The following ARHGAP12 variants were observed in gnomAD, a reference collection of about 807,000 sequenced individuals.
ARHGAP12 encodes the protein rho GTPase-activating protein 12.
A neutral mutation model predicts 108.6 loss-of-function variants in ARHGAP12; 64 were observed. The observed-to-expected ratio is 0.59, with a 90% confidence interval of 0.48 to 0.73. ARHGAP12 has a LOEUF of 0.73. Among genes scored for constraint, ARHGAP12 ranks in the 30% least tolerant of loss-of-function variants. The pLI is 0.00. For missense variants in ARHGAP12, 940 were observed against 1,005.9 expected, an observed-to-expected ratio of 0.93 and a Z score of 0.89; for synonymous variants, 312 against 337.2, an observed-to-expected ratio of 0.93 and a Z score of 0.82.
At chr10:31,857,183 C>T (rs1466855030) in intron 4 of ARHGAP12, among the ~76,000 whole-genome samples, 5 of 151,992 alleles carry the variant, frequency 3.3e-5, no homozygotes, top group Non-Finnish European at 5.9e-5. Flanking sequence ...ATAAAGCAAA[C>T]GTGGCAAAAT....
chr10:31,900,277 C>A (rs562839634), intron 3 of ARHGAP12, among the ~76,000 whole-genome samples: 25 of 152,100 alleles, frequency 1.6e-4, no homozygotes, highest in Non-Finnish European at 3.1e-4. Context: ...AATAGAAAAA[C>A]CACTTAGAAA....
intron 10 of ARHGAP12, among the ~76,000 whole-genome samples, chr10:31,828,334 G>A (rs563001791): frequency 3.3e-5 from 5 of 151,492 alleles, no homozygotes; most frequent in Admixed American, 6.6e-5. Context: ...CAATAGATGA[G>A]TAGTCCATTT....
chr10:31,814,213 G>C, intron 14 of ARHGAP12, 46 bp downstream of exon 14: 1 of 1,477,114 alleles, frequency 6.8e-7, no homozygotes, highest in East Asian at 2.3e-5. Flanking sequence ...AAAAAGCTAA[G>C]AGAACAAGCA....
At chr10:31,864,601 C>T (rs375563036) in intron 3 of ARHGAP12, among the ~76,000 whole-genome samples, 3 of 152,012 alleles carry the variant, frequency 2.0e-5, no homozygotes, top group Non-Finnish European at 4.4e-5. Context: ...ATGACAAACA[C>T]GAACAAAAGT....
At chr10:31,892,641 C>T (rs926320812) in intron 3 of ARHGAP12, among the ~76,000 whole-genome samples, 20 of 152,274 alleles carry the variant, frequency 1.3e-4, no homozygotes, top group African/African-American at 4.8e-4. Flanking sequence ...GAGACTCCCA[C>T]ACAATAATAA....
chr10:31,920,374 C>A (rs12253219), intron 1 of ARHGAP12, among the ~76,000 whole-genome samples: 2,356 of 137,576 alleles, frequency 0.017, 72 homozygotes, highest in African/African-American at 0.061. Context: ...CGCTTGAACC[C>A]AGGAGGCAGA....
chr10:31,859,289 A>G (rs1837019162), intron 4 of ARHGAP12, among the ~76,000 whole-genome samples: 1 of 152,218 alleles, frequency 6.6e-6, no homozygotes, highest in Admixed American at 6.5e-5. Context: ...TGGACATTCT[A>G]ATTAGTCCAA....
chr10:31,915,185 G>A (rs1351520883), intron 1 of ARHGAP12, among the ~76,000 whole-genome samples: 1 of 152,088 alleles, frequency 6.6e-6, no homozygotes, highest in Admixed American at 6.6e-5. Context: ...TCGGGGGTTC[G>A]AGACCAGCCT....
Position 31,817,831 on chromosome 10 carries a change from A to G in ARHGAP12, c.1688T>C (p.Ile563Thr), listed in dbSNP as rs774041275. 2.1e-5 allele frequency: 34 copies of G among 1,612,320 alleles called. No homozygotes were observed. Among genetic ancestry groups the G allele is most frequent in the Non-Finnish European group, 2.9e-5 (34 of 1,179,408 alleles). Residue 563 changes from isoleucine to threonine, a missense_variant, in exon 13 of 20, where the codon ATT (isoleucine) becomes ACT (threonine). Ile to Thr is a moderately conservative substitution (Grantham distance 89). Coordinates refer to ENST00000344936, the MANE Select transcript of ARHGAP12 (RefSeq NM_018287.7). The stretch of plus-strand genomic sequence containing the variant: ...ACTAAGAACTTTAAACCAATCATTA[A>G]TAACAGTGTCATTGTCAGACTGAAT... ...LLIQSDNDTVINDWFKVLSST... is the reference protein window; with the variant it reads ...LLIQSDNDTVTNDWFKVLSST...
intron 10 of ARHGAP12, 128 bp from the exon 11 acceptor site, chr10:31,826,513 G>A: frequency 1.5e-6 from 1 of 674,184 alleles, no homozygotes; most frequent in Non-Finnish European, 2.4e-6. Flanking sequence ...CATTTTAATT[G>A]TTTTTATTGG....
intron 5 of ARHGAP12, 69 bp from the exon 6 acceptor site, chr10:31,852,666 G>A: frequency 1.1e-6 from 1 of 880,404 alleles, no homozygotes; most frequent in South Asian, 1.4e-5. Flanking sequence ...TACTATCAGA[G>A]ATACTAGATT....
At chr10:31,856,803 C>T (rs1435287724) in intron 4 of ARHGAP12, among the ~76,000 whole-genome samples, 1 of 152,048 alleles carries the variant, frequency 6.6e-6, no homozygotes, top group East Asian at 1.9e-4. Flanking sequence ...ACAGTATAAT[C>T]AGACTCTCTA....
intron 6 of ARHGAP12, among the ~76,000 whole-genome samples, chr10:31,844,593 G>C (rs1385805265): frequency 1.3e-5 from 2 of 152,024 alleles, no homozygotes; most frequent in Non-Finnish European, 2.9e-5. Context: ...GAGCGCAGTG[G>C]CATGATCAGA....
chr10:31,850,578 G>T (rs960272182), intron 6 of ARHGAP12, among the ~76,000 whole-genome samples: 13 of 152,022 alleles, frequency 8.6e-5, no homozygotes, highest in Non-Finnish European at 1.3e-4. Flanking sequence ...CTTCTTCACA[G>T]CACATTAATA....
At chr10:31,892,255 T>C (rs1261235586) in intron 3 of ARHGAP12, among the ~76,000 whole-genome samples, 1 of 152,050 alleles carries the variant, frequency 6.6e-6, no homozygotes, top group Non-Finnish European at 1.5e-5. Flanking sequence ...AATTCACACA[T>C]AACAATATTA....
At chr10:31,926,448 C>T (rs1840051726) in intron 1 of ARHGAP12, among the ~76,000 whole-genome samples, 1 of 152,158 alleles carries the variant, frequency 6.6e-6, no homozygotes, top group Admixed American at 6.5e-5. Context: ...ACACCTTTCA[C>T]ATCTGATTCA....
intron 5 of ARHGAP12, 50 bp downstream of exon 5, chr10:31,854,016 T>C (rs779490914): frequency 1.3e-5 from 20 of 1,563,158 alleles, no homozygotes; most frequent in Non-Finnish European, 1.7e-5. Flanking sequence ...CACAACTATT[T>C]TATGAGAGAA....
chr10:31,916,425 C>A (rs977389192), intron 1 of ARHGAP12, among the ~76,000 whole-genome samples: 3 of 152,068 alleles, frequency 2.0e-5, no homozygotes, highest in African/African-American at 7.3e-5. Flanking sequence ...ATTTTTTAAT[C>A]TAAAAGCCTC....
intron 15 of ARHGAP12, among the ~76,000 whole-genome samples, chr10:31,811,797 T>C (rs926242543): frequency 1.3e-5 from 2 of 152,026 alleles, no homozygotes; most frequent in Non-Finnish European, 2.9e-5. Flanking sequence ...GCCTCCTAAG[T>C]AGCTAGGACT....
Sources: allele counts gnomAD v4.1 joint callset (sites outside exome capture counted in the v4.1 genomes callset), GRCh38; gene constraint gnomAD v4.1.1; transcripts MANE v1.5; gene names NCBI Gene and HGNC (gene_info 2026-07-23, HGNC 2026-07-21).